Variants in CEACAM20 observed in about 807,000 individuals in gnomAD.
CEACAM20 encodes cell adhesion molecule CEACAM20.
In CEACAM20, 50 loss-of-function variants were observed where a neutral mutation model predicts 61.2. The ratio of observed to expected loss-of-function variants is 0.82; its 90% confidence interval spans 0.65 to 1.03. The LOEUF (loss-of-function observed/expected upper bound fraction) is 1.03, where lower values mean the gene tolerates loss of function less well. CEACAM20 is among the 50% of genes least tolerant of loss of function. The pLI is 0.00. For synonymous variants in CEACAM20, 282 were observed against 287.7 expected (o/e 0.98, Z 0.20); for missense variants, 683 against 736.4 (o/e 0.93, Z 0.84).
At chr19:44,521,871 G>A (rs1052357364) in intron 4 of CEACAM20, among the ~76,000 whole-genome samples, 2 of 152,034 alleles carry the variant, frequency 1.3e-5, no homozygotes, top group African/African-American at 2.4e-5. Flanking sequence ...GTGTGTGTAC[G>A]GAGTGTGTGA....
Position 44,513,254 on chromosome 19 carries a change from C to A in CEACAM20, c.1345G>T (p.Ala449Ser). 6.2e-7 allele frequency: 1 copy of A among 1,613,790 alleles called. No homozygotes were observed. Among genetic ancestry groups the A allele is most frequent in the Non-Finnish European group, 8.5e-7 (1 of 1,179,834 alleles). ...QSSSLSSGAI[A>S]GIVIGILAVI... is the part of the protein sequence containing the mutation. ...GCCAGGATCCCGATGACAATACCAGCGATGGCCCCTGAGGACAGGGAGGAG... is the reference window on the plus strand; with the variant it reads ...GCCAGGATCCCGATGACAATACCAGAGATGGCCCCTGAGGACAGGGAGGAG... The change falls in exon 7 of 12, where the codon GCT becomes TCT. Residue 449 changes from alanine (A) to serine (S), a missense_variant. Ala to Ser is a moderately conservative substitution (Grantham distance 99). Coordinates refer to ENST00000614924, the MANE Select transcript of CEACAM20 (RefSeq NM_001102597.3).
intron 5 of CEACAM20, among the ~76,000 whole-genome samples, chr19:44,517,980 G>A (rs1038453589): frequency 5.3e-5 from 8 of 151,764 alleles, no homozygotes; most frequent in African/African-American, 1.9e-4. Context: ...CTACTCGAGT[G>A]GCTAAGAATC....
chr19:44,520,839 TGC>T, intron 4 of CEACAM20, 87 bp from the exon 5 acceptor site: 3 of 1,190,670 alleles, frequency 2.5e-6, no homozygotes, highest in South Asian at 1.4e-5. Context: ...TTTCCAGGAG[TGC>T]GTGCGTGTGT....
intron 4 of CEACAM20, among the ~76,000 whole-genome samples, chr19:44,521,000 G>C (rs1421666389): frequency 6.6e-6 from 1 of 152,144 alleles, no homozygotes; most frequent in East Asian, 1.9e-4. Context: ...AGTGTGTGGT[G>C]TGTAAGTGTT....
At chr19:44,525,683 C>T (rs10409018) in intron 1 of CEACAM20, among the ~76,000 whole-genome samples, 38,010 of 152,008 alleles carry the variant, frequency 0.25, 8,540 homozygotes, top group African/African-American at 0.59. Context: ...CCTCAAATGA[C>T]CTGCCCGCCT....
chr19:44,517,116 T>C lies in CEACAM20; in HGVS notation c.1139A>G (p.Lys380Arg). 6.2e-7 allele frequency: 1 copy of C among 1,613,308 alleles called. No individual in the cohort carries two copies. Among genetic ancestry groups the C allele is most frequent in the Non-Finnish European group, 8.5e-7 (1 of 1,179,702 alleles). ...SLTLQCWAES[K>R]PGAEYRWTLE... ...AGTCCAGCGATACTCAGCACCTGGC[T>C]TGGACTCGGCCCAACACTGCAGGGT... The change falls in exon 6 of 12, where the codon AAG (lysine) becomes AGG (arginine). Residue 380 changes from lysine (K) to arginine (R), a missense_variant. Transcript: ENST00000614924.
chr19:44,512,663 C>T (rs1050457318), intron 8 of CEACAM20, among the ~76,000 whole-genome samples: 16 of 152,218 alleles, frequency 1.1e-4, no homozygotes, highest in African/African-American at 3.9e-4. Context: ...CCTGCTTTTG[C>T]CGGGACTGTT....
At position 44,523,632 on chromosome 19, in the gene CEACAM20, G is replaced by A. The variant is rs1041743815; in HGVS notation, c.472+354C>T. On this transcript the variant is annotated intron_variant, in intron 3 of 11. Transcript: ENST00000614924. ...GGATCTTGGTATGTTGCCCTGACTGGTTTTAAACTCCTTGCTCCAAGCAAT... is the reference window on the plus strand; with the variant it reads ...GGATCTTGGTATGTTGCCCTGACTGATTTTAAACTCCTTGCTCCAAGCAAT... Among the ~76,000 whole-genome samples, 5 of 151,826 alleles carry A rather than the reference G, an allele frequency of 3.3e-5. 1 individual carries two copies. The South Asian group carries it at 6.3e-4, about 19-fold the overall frequency.
At chr19:44,507,268 A>G (rs1970845904) in intron 11 of CEACAM20, among the ~76,000 whole-genome samples, 1 of 152,214 alleles carries the variant, frequency 6.6e-6, no homozygotes, top group African/African-American at 2.4e-5. Flanking sequence ...GGAAACAAAC[A>G]TGGCTCCCCT....
At chr19:44,519,673 C>A (rs1971294515) in intron 5 of CEACAM20, among the ~76,000 whole-genome samples, 1 of 152,336 alleles carries the variant, frequency 6.6e-6, no homozygotes, top group African/African-American at 2.4e-5. Flanking sequence ...ACAGTGCAAC[C>A]ATTTCTCAAC....
At chr19:44,525,338 T>A in intron 1 of CEACAM20, 94 bp from the exon 2 acceptor site, 1 of 1,245,986 alleles carries the variant, frequency 8.0e-7, no homozygotes, top group Non-Finnish European at 1.1e-6. Context: ...TCTGAGGCCA[T>A]AGGACTGGCA....
Position 44,524,077 on chromosome 19 carries a change from A to C in CEACAM20, c.381T>G (p.Ile127Met). Residue 127 changes from isoleucine to methionine, a missense_variant, in exon 3 of 12, where the codon ATT becomes ATG. Ile to Met is a conservative substitution (Grantham distance 10). Coordinates refer to ENST00000614924, the MANE Select transcript of CEACAM20 (RefSeq NM_001102597.3). The part of the protein sequence containing the change: ...SKDGKILTIL[I>M]VQREDSGTYQ... The stretch of plus-strand genomic sequence containing the variant: ...AAGTCCCTGAGTCCTCCCGCTGGAC[A>C]ATGAGAATGGTGAGGATCTTGCCAT... 1 of 1,589,524 alleles carries C rather than the reference A, an allele frequency of 6.3e-7. No homozygotes were observed. Among genetic ancestry groups the C allele is most frequent in the Non-Finnish European group, 8.6e-7 (1 of 1,167,854 alleles).
chr19:44,520,176 C>G (rs1171936821), intron 5 of CEACAM20, among the ~76,000 whole-genome samples: 1 of 152,236 alleles, frequency 6.6e-6, no homozygotes, highest in African/African-American at 2.4e-5. Flanking sequence ...TTCTCTCACT[C>G]CCCCTCTCCC....
Position 44,522,867 on chromosome 19 carries a change from C to G in CEACAM20, c.518G>C (p.Ser173Thr). ...CTCCATCACCTCAACCACCTCCCCA[C>G]TGGCAACACCAGACTCCAATTTGAT... is the stretch of plus-strand genomic sequence containing the variant. ...VEIKLESGVA[S>T]GEVVEVMEGS... Residue 173 changes from serine (S) to threonine (T), a missense_variant, in exon 4 of 12, where the codon AGT becomes ACT. Physicochemically the swap from Ser to Thr is moderately conservative, Grantham distance 58. Transcript: ENST00000614924. The G allele has an allele frequency of 6.2e-7, 1 of 1,608,884 alleles. No homozygotes were observed. The highest frequency in any genetic ancestry group is 8.5e-7 in the Non-Finnish European group (1 of 1,177,912).
At chr19:44,519,571 C>T (rs774380875) in intron 5 of CEACAM20, among the ~76,000 whole-genome samples, 3 of 152,174 alleles carry the variant, frequency 2.0e-5, no homozygotes, top group Admixed American at 6.5e-5. Context: ...TACATCCTTT[C>T]GGTGGCTCAG....
At chr19:44,510,458 A>G in intron 11 of CEACAM20, among the ~76,000 whole-genome samples, 1 of 151,424 alleles carries the variant, frequency 6.6e-6, no homozygotes, top group Non-Finnish European at 1.5e-5. Flanking sequence ...GGTTGCAGTC[A>G]TCAGAGATTG....
At chr19:44,523,409 AAATG>A (rs147633867) in intron 3 of CEACAM20, among the ~76,000 whole-genome samples, 8,478 of 149,858 alleles carry the variant, frequency 0.057, 317 homozygotes, top group African/African-American at 0.085. Flanking sequence ...ATCTTGTCTC[AAATG>A]AATGAATGAA....
At chr19:44,516,450 C>G (rs913873471) in intron 6 of CEACAM20, among the ~76,000 whole-genome samples, 3 of 152,148 alleles carry the variant, frequency 2.0e-5, no homozygotes, top group African/African-American at 7.2e-5. Context: ...CCATACTGTT[C>G]TCATGGTAGT....
intron 6 of CEACAM20, among the ~76,000 whole-genome samples, chr19:44,515,610 G>A (rs1971132573): frequency 6.6e-6 from 1 of 152,082 alleles, no homozygotes; most frequent in East Asian, 1.9e-4. Flanking sequence ...TACCCAAGAA[G>A]TGTTTGCTGA....
Sources: allele counts gnomAD v4.1 joint callset (sites outside exome capture counted in the v4.1 genomes callset), GRCh38; gene constraint gnomAD v4.1.1; transcripts MANE v1.5; gene names NCBI Gene and HGNC (gene_info 2026-07-23, HGNC 2026-07-21).